Variants in NAA50 observed in about 807,000 individuals in gnomAD.
NAA50 encodes the protein N-alpha-acetyltransferase 50, NatE catalytic subunit, also known as N-alpha-acetyltransferase 50.
In NAA50, 7 loss-of-function variants were observed where a neutral mutation model predicts 20.7. That is an observed-to-expected ratio of 0.34 (90% CI 0.19 to 0.63). The LOEUF (loss-of-function observed/expected upper bound fraction) is 0.63, where lower values mean the gene tolerates loss of function less well. NAA50 is among the 30% of genes least tolerant of loss of function. The pLI is 0.75. For synonymous variants in NAA50, 54 were observed against 70.6 expected, an observed-to-expected ratio of 0.77 and a Z score of 1.18; for missense variants, 111 against 199.1, an observed-to-expected ratio of 0.56 and a Z score of 2.66.
chr3:113,730,493 A>G (rs1708258499), intron 1 of NAA50, among the ~76,000 whole-genome samples: 1 of 152,158 alleles, frequency 6.6e-6, no homozygotes, highest in South Asian at 2.1e-4. Context: ...ATAAAATTAA[A>G]TTCATCTTTT....
chr3:113,745,793 C>T, intron 1 of NAA50, 149 bp downstream of exon 1: 1 of 988,104 alleles, frequency 1.0e-6, no homozygotes, highest in South Asian at 1.8e-5. Flanking sequence ...TCCGCCCCCT[C>T]CGGGAGCCGA....
intron 1 of NAA50, 79 bp from the exon 2 acceptor site, chr3:113,724,174 T>A (rs142421695): frequency 0.01 from 13,835 of 1,317,924 alleles, 154 homozygotes; most frequent in South Asian, 0.023. Flanking sequence ...GGGTACCAAG[T>A]CTTTTTTACA....
At chr3:113,745,877 C>G (rs1367370603) in intron 1 of NAA50, 65 bp downstream of exon 1, 1 of 1,557,382 alleles carries the variant, frequency 6.4e-7, no homozygotes. Context: ...GCGGCTCTCC[C>G]CCTCTACATG....
intron 1 of NAA50, among the ~76,000 whole-genome samples, chr3:113,733,931 T>C (rs1708305511): frequency 6.7e-6 from 1 of 149,080 alleles, no homozygotes. Context: ...TGGAAAAGGA[T>C]ACTACATCTA....
chr3:113,729,611 T>C (rs1708245898), intron 1 of NAA50, among the ~76,000 whole-genome samples: 1 of 151,938 alleles, frequency 6.6e-6, no homozygotes, highest in South Asian at 2.1e-4. Context: ...TAGCACAGTC[T>C]TGGCTTGCTG....
rs1708113055 is a variant in NAA50 at position 113,719,980 on chromosome 3, G to A, written c.*1780C>T. On this transcript the variant is annotated 3_prime_UTR_variant, in exon 5 of 5. Transcript: ENST00000240922. Reference sequence around the variant, plus strand: ...GCTGAAGCTTATTCATGAAGATAAAGGTGCTTAACGCTAAACTTTTCTTCT... The same window carrying A: ...GCTGAAGCTTATTCATGAAGATAAAAGTGCTTAACGCTAAACTTTTCTTCT... 2 of 152,556 alleles carry A rather than the reference G, an allele frequency of 1.3e-5. No individual in the cohort carries two copies. Among genetic ancestry groups the A allele is most frequent in the South Asian group, 4.1e-4 (2 of 4,826 alleles). The allele number at this position is 152,556 out of a possible 1,614,324, so 9.5% of individuals were successfully genotyped here. A position where few individuals can be genotyped will look rare whatever the true frequency, so the allele number is the denominator to read the frequency against.
At chr3:113,745,371 C>G (rs1350612671) in intron 1 of NAA50, among the ~76,000 whole-genome samples, 1 of 152,146 alleles carries the variant, frequency 6.6e-6, no homozygotes, top group East Asian at 1.9e-4. Context: ...CTACAGTGAT[C>G]GCGCTCTCTC....
At position 113,721,518 on chromosome 3, in the gene NAA50, G is replaced by C; in HGVS notation, c.*242C>G. On this transcript the variant is annotated 3_prime_UTR_variant, in exon 5 of 5. Coordinates refer to ENST00000240922, the MANE Select transcript of NAA50 (RefSeq NM_025146.4). ...CTAACTTCAACTGCAAAACTAAACA[G>C]ATCTACCTTGTCCTTCCTTCAAACC... 1 of 539,026 alleles carries C rather than the reference G, an allele frequency of 1.9e-6. No individual in the cohort carries two copies. The highest frequency in any genetic ancestry group is 3.3e-6 in the Non-Finnish European group (1 of 304,978). 33.4% of individuals were successfully genotyped at this position (539,026 alleles called of 1,614,324 possible). A position where few individuals can be genotyped will look rare whatever the true frequency, so the allele number is the denominator to read the frequency against.
At chr3:113,725,826 G>GAT (rs72196934) in intron 1 of NAA50, among the ~76,000 whole-genome samples, 2 of 59,274 alleles carry the variant, frequency 3.4e-5, no homozygotes, top group Non-Finnish European at 7.1e-5. Context: ...GATTTATCTG[G>GAT]AGAGGAATAT....
At position 113,721,559 on chromosome 3, in the gene NAA50, G is replaced by T; in HGVS notation, c.*201C>A. 1 of 622,810 alleles carries T rather than the reference G, an allele frequency of 1.6e-6. No individual in the cohort carries two copies. The highest frequency in any genetic ancestry group is 2.1e-5 in the South Asian group (1 of 47,774). The allele number at this position is 622,810 out of a possible 1,614,324, so 38.6% of individuals were successfully genotyped here. ...CCTTCAAACCACCTCACAAAAATAA[G>T]AGAAAACAATTCAAACATGATTATT... is the stretch of plus-strand genomic sequence containing the variant. On this transcript the variant is annotated 3_prime_UTR_variant, in exon 5 of 5. Transcript: ENST00000240922.
Position 113,746,095 on chromosome 3 carries a change from G to T in NAA50, c.-146C>A. 9.4e-7 allele frequency: 1 copy of T among 1,063,286 alleles called. No homozygotes were observed. Among genetic ancestry groups the T allele is most frequent in the Non-Finnish European group, 1.3e-6 (1 of 743,984 alleles). 65.9% of individuals were successfully genotyped at this position (1,063,286 alleles called of 1,614,324 possible). A position where few individuals can be genotyped will look rare whatever the true frequency, so the allele number is the denominator to read the frequency against. ...GCAGGGAGCTGTGCGAGCAACGAAG[G>T]CCGCGAGAGTCGAGTGAGGGCTTGA... On this transcript the variant is annotated 5_prime_UTR_variant, in exon 1 of 5. Coordinates refer to ENST00000240922, the MANE Select transcript of NAA50 (RefSeq NM_025146.4).
chr3:113,745,232 C>G (rs1708474548), intron 1 of NAA50, among the ~76,000 whole-genome samples: 1 of 152,172 alleles, frequency 6.6e-6, no homozygotes, highest in Non-Finnish European at 1.5e-5. Flanking sequence ...TGCCAATCAC[C>G]TGAAAGGAGC....
rs139355772 is a variant in NAA50 at position 113,733,908 on chromosome 3, G to C, written c.9-9813C>G. 3.5e-4 allele frequency among the ~76,000 whole-genome samples: 50 copies of C among 141,834 alleles called. No homozygotes were observed. In the East Asian group the frequency reaches 9.7e-3, roughly 28 times the overall value. The allele number at this position is 141,834 out of a possible 152,430, so 93.0% of individuals were successfully genotyped here. On this transcript the variant is annotated intron_variant, in intron 1 of 4. Transcript: ENST00000240922. ...AAAAATATTCATATTAAATATTAAA[G>C]TATTTAGAGATTTGGAAAAGGATAC... is the stretch of plus-strand genomic sequence containing the variant.
rs1168764922 is a variant in NAA50, at chr3:113,718,779, AT to A, written c.*2980del. ...ACTTTTTCCCTCTCATTGGAACTGA[AT>A]TGTAGATATTGGGCACTGTACCTAG... On this transcript the variant is annotated 3_prime_UTR_variant, in exon 5 of 5. Coordinates refer to ENST00000240922, the MANE Select transcript of NAA50 (RefSeq NM_025146.4). 2 of 152,368 alleles carry A rather than the reference AT, an allele frequency of 1.3e-5. No individual in the cohort carries two copies. The highest frequency in any genetic ancestry group is 2.4e-5 in the African/African-American group (1 of 41,466). 9.4% of individuals were successfully genotyped at this position (152,368 alleles called of 1,614,324 possible). A position where few individuals can be genotyped will look rare whatever the true frequency, so the allele number is the denominator to read the frequency against.
At position 113,718,000 on chromosome 3, in the gene NAA50, A is replaced by G. The variant is rs12695294; in HGVS notation, c.*3760T>C. ...CTTGTGCAGTCCCCTCCCACACTAT[A>G]CCAAGCTGATTCAATGGTTGGTCTG... On this transcript the variant is annotated 3_prime_UTR_variant, in exon 5 of 5. Transcript: ENST00000240922. 0.088 allele frequency: 13,354 copies of G among 152,184 alleles called. 822 individuals are homozygous for G. The highest frequency in any genetic ancestry group is 0.14 in the Non-Finnish European group (9,283 of 68,068). 9.4% of individuals were successfully genotyped at this position (152,184 alleles called of 1,614,324 possible).
At position 113,717,774 on chromosome 3, in the gene NAA50, TTC is replaced by T. The variant is rs1188984214; in HGVS notation, c.*3984_*3985del. On this transcript the variant is annotated 3_prime_UTR_variant, in exon 5 of 5. Coordinates refer to ENST00000240922, the MANE Select transcript of NAA50 (RefSeq NM_025146.4). ...AGAGCACAGCCTTTAGACCCACTAT[TTC>T]TTTTATATCCCGAATAACTGTAAAG... is the stretch of plus-strand genomic sequence containing the variant. 6.6e-6 allele frequency: 1 copy of T among 152,196 alleles called. No homozygotes were observed. The highest frequency in any genetic ancestry group is 2.4e-5 in the African/African-American group (1 of 41,414). 9.4% of individuals were successfully genotyped at this position (152,196 alleles called of 1,614,324 possible).
At position 113,718,383 on chromosome 3, in the gene NAA50, C is replaced by T. The variant is rs1033938459; in HGVS notation, c.*3377G>A. 9 of 152,282 alleles carry T rather than the reference C, an allele frequency of 5.9e-5. No individual in the cohort carries two copies. Among genetic ancestry groups the T allele is most frequent in the Non-Finnish European group, 1.2e-4 (8 of 68,054 alleles). 9.4% of individuals were successfully genotyped at this position (152,282 alleles called of 1,614,324 possible). ...GTTAAGCAGCTCCTAGATTCCTGAT[C>T]CAGAACTGTGGAAGGTAATACTTGT... On this transcript the variant is annotated 3_prime_UTR_variant, in exon 5 of 5. Coordinates refer to ENST00000240922, the MANE Select transcript of NAA50 (RefSeq NM_025146.4).
In NAA50 at chr3:113,746,080, G is replaced by A; in HGVS notation, c.-131C>T. The A allele has an allele frequency of 1.6e-6, 2 of 1,284,002 alleles. No homozygotes were observed. Among genetic ancestry groups the A allele is most frequent in the Non-Finnish European group, 2.1e-6 (2 of 937,310 alleles). 79.5% of individuals were successfully genotyped at this position (1,284,002 alleles called of 1,614,324 possible). A position where few individuals can be genotyped will look rare whatever the true frequency, so the allele number is the denominator to read the frequency against. On this transcript the variant is annotated 5_prime_UTR_variant, in exon 1 of 5. Coordinates refer to ENST00000240922, the MANE Select transcript of NAA50 (RefSeq NM_025146.4). ...GGCCTCCTAGCCTGGGCAGGGAGCT[G>A]TGCGAGCAACGAAGGCCGCGAGAGT...
At chr3:113,744,950 T>A (rs1014782974) in intron 1 of NAA50, among the ~76,000 whole-genome samples, 1 of 152,216 alleles carries the variant, frequency 6.6e-6, no homozygotes, top group African/African-American at 2.4e-5. Context: ...TTCGTTAACT[T>A]AAAACATAGT....
Sources: gnomAD v4.1 joint callset for allele counts (sites outside exome capture counted in the v4.1 genomes callset) on GRCh38, gnomAD v4.1.1 for gene constraint, MANE v1.5 for transcripts, NCBI Gene and HGNC (gene_info 2026-07-23, HGNC 2026-07-21) for gene names.